USP48: variants seen among roughly 807,000 people sequenced by gnomAD.
The protein encoded by USP48 is ubiquitin specific peptidase 48, also known as ubiquitin carboxyl-terminal hydrolase 48.
USP48 carries 43 observed loss-of-function variants against 150.7 expected under a neutral mutation model. The observed-to-expected ratio is 0.29, with a 90% CI of 0.22 to 0.37. USP48 has a LOEUF of 0.37. USP48 is among the 10% of genes least tolerant of loss of function. The pLI, the probability that USP48 is intolerant of heterozygous loss-of-function variation, is 1.00. For missense variants in USP48, 813 were observed against 1,249.6 expected (o/e 0.65, Z 5.27); for synonymous variants, 396 against 425.9 (o/e 0.93, Z 0.86).
At chr1:21,738,655 G>A (rs1357661775) in intron 8 of USP48, among the ~76,000 whole-genome samples, 1 of 151,800 alleles carries the variant, frequency 6.6e-6, no homozygotes, top group Non-Finnish European at 1.5e-5. Flanking sequence ...ACCACGCCCG[G>A]CCCATTTTTT....
At chr1:21,709,869 A>T (rs181947984) in intron 15 of USP48, among the ~76,000 whole-genome samples, 2 of 152,308 alleles carry the variant, frequency 1.3e-5, no homozygotes, top group African/African-American at 4.8e-5. Flanking sequence ...TTGGTAATAA[A>T]AATATATAGT....
At chr1:21,720,560 C>T (rs2097717584) in intron 14 of USP48, among the ~76,000 whole-genome samples, 1 of 151,484 alleles carries the variant, frequency 6.6e-6, no homozygotes, top group African/African-American at 2.4e-5. Context: ...CAGAGTCTCG[C>T]TCTGCCGCCC....
At chr1:21,781,013 T>A (rs899678211) in intron 1 of USP48, among the ~76,000 whole-genome samples, 2 of 151,090 alleles carry the variant, frequency 1.3e-5, no homozygotes, top group African/African-American at 4.8e-5. Flanking sequence ...GTGCTGGGAT[T>A]ACAGGCATGA....
At chr1:21,737,656 AATTC>A (rs1178425969) in intron 8 of USP48, among the ~76,000 whole-genome samples, 3 of 152,218 alleles carry the variant, frequency 2.0e-5, no homozygotes, top group Non-Finnish European at 4.4e-5. Context: ...AAAACAAAAC[AATTC>A]ATTAATAAAC....
Position 21,678,459 on chromosome 1 carries a change from CCT to C in USP48, c.*956_*957del, listed in dbSNP as rs1026123457. ...TTTTTTAAACAATGATCTAAGAGAC[CCT>C]CTCAGGGCATTTTGGAATAATGCTT... is the stretch of plus-strand genomic sequence containing the variant. On this transcript the variant is annotated 3_prime_UTR_variant, in exon 27 of 27. Transcript: ENST00000308271. 2 of 151,926 alleles carry C rather than the reference CCT, an allele frequency of 1.3e-5. No individual in the cohort carries two copies. The highest frequency in any genetic ancestry group is 2.9e-5 in the Non-Finnish European group (2 of 68,000). The allele number at this position is 151,926 out of a possible 1,614,324, so 9.4% of individuals were successfully genotyped here. A position where few individuals can be genotyped will look rare whatever the true frequency, so the allele number is the denominator to read the frequency against.
intron 8 of USP48, among the ~76,000 whole-genome samples, chr1:21,744,605 G>C (rs1429073119): frequency 6.7e-6 from 1 of 150,172 alleles, no homozygotes; most frequent in Non-Finnish European, 1.5e-5. Context: ...GTGAAACCCC[G>C]TCTCTACTAA....
chr1:21,725,683 G>A (rs1241092520), intron 11 of USP48, among the ~76,000 whole-genome samples: 2 of 151,894 alleles, frequency 1.3e-5, no homozygotes, highest in Non-Finnish European at 2.9e-5. Flanking sequence ...AACCCGGGAC[G>A]CGGAGGTTGT....
chr1:21,686,399 G>A (rs2097580382), intron 25 of USP48: 1 of 152,188 alleles, frequency 6.6e-6, no homozygotes, highest in African/African-American at 2.4e-5. Flanking sequence ...ACGAAGGGAT[G>A]TTGAATTTTA....
intron 15 of USP48, among the ~76,000 whole-genome samples, chr1:21,708,015 A>G (rs2097677960): frequency 6.6e-6 from 1 of 151,986 alleles, no homozygotes; most frequent in Non-Finnish European, 1.5e-5. Flanking sequence ...TACCAACATC[A>G]GCCAGGTATG....
chr1:21,732,036 T>G (rs538309259), intron 9 of USP48, among the ~76,000 whole-genome samples: 2 of 152,098 alleles, frequency 1.3e-5, no homozygotes, highest in African/African-American at 4.8e-5. Context: ...TTCCGAGAGG[T>G]AAGGGATTAT....
chr1:21,724,250 A>G (rs2097730174), intron 11 of USP48, 155 bp from the exon 12 acceptor site: 2 of 744,570 alleles, frequency 2.7e-6, no homozygotes, highest in Middle Eastern at 3.0e-4. Context: ...TGAGTACGAC[A>G]CAAAGCTCCA....
At chr1:21,724,240 T>C (rs1354786462) in intron 11 of USP48, 145 bp from the exon 12 acceptor site, 1 of 809,290 alleles carries the variant, frequency 1.2e-6, no homozygotes, top group Non-Finnish European at 2.0e-6. Context: ...AGATGTTTGA[T>C]GAGTACGACA....
rs1291944202 is a variant in USP48, at chr1:21,757,607, G to GCAAAAA, written c.255+50_255+55dup. The GCAAAAA allele has an allele frequency of 2.8e-5, 44 of 1,572,462 alleles. No homozygotes were observed. In the African/African-American group the frequency reaches 5.7e-4, roughly 21 times the overall value. On this transcript the variant is annotated intron_variant, in intron 2 of 26. Transcript: ENST00000308271. The stretch of plus-strand genomic sequence containing the variant: ...TTCTGATCACAGGCCCAAAACAAAA[G>GCAAAAA]CAAAAACAAAAACAAAAAACAGCAT...
At chr1:21,694,598 A>C (rs1376288349) in intron 23 of USP48, among the ~76,000 whole-genome samples, 22 of 120,408 alleles carry the variant, frequency 1.8e-4, no homozygotes, top group African/African-American at 5.4e-4. Context: ...AAAAAAAAAA[A>C]AAAAAAAAAC....
intron 14 of USP48, among the ~76,000 whole-genome samples, chr1:21,716,167 T>C (rs2097703732): frequency 6.6e-6 from 1 of 152,240 alleles, no homozygotes. Context: ...TTTTCTTTCC[T>C]TATTTAAATC....
chr1:21,700,630 ACATCT>A (rs1442046011), intron 22 of USP48, among the ~76,000 whole-genome samples: 1 of 152,212 alleles, frequency 6.6e-6, no homozygotes, highest in Non-Finnish European at 1.5e-5. Context: ...AAGAAAACAA[ACATCT>A]CATCTGTTAA....
intron 22 of USP48, among the ~76,000 whole-genome samples, chr1:21,700,663 G>C (rs1229863858): frequency 6.6e-6 from 1 of 152,192 alleles, no homozygotes; most frequent in Non-Finnish European, 1.5e-5. Context: ...ACTTTGAGTA[G>C]AAAATCCATG....
At chr1:21,718,319 G>GT (rs1197987280) in intron 14 of USP48, among the ~76,000 whole-genome samples, 3 of 152,322 alleles carry the variant, frequency 2.0e-5, no homozygotes, top group African/African-American at 7.2e-5. Context: ...CATATGAGCT[G>GT]TATTATAAAA....
chr1:21,720,720 G>A (rs1339518398), intron 14 of USP48, among the ~76,000 whole-genome samples: 9 of 151,850 alleles, frequency 5.9e-5, no homozygotes, highest in East Asian at 5.8e-4. Flanking sequence ...TAGTAGAGAC[G>A]GGGTTTCACC....
Sources: allele counts gnomAD v4.1 joint callset (sites outside exome capture counted in the v4.1 genomes callset), GRCh38; gene constraint gnomAD v4.1.1; transcripts MANE v1.5; gene names NCBI Gene and HGNC (gene_info 2026-07-23, HGNC 2026-07-21).